SNTG2: variants seen among roughly 807,000 people sequenced by gnomAD.
SNTG2 encodes the protein gamma-2-syntrophin.
SNTG2 carries 74 observed loss-of-function variants against 70.9 expected under a neutral mutation model. The ratio of observed to expected loss-of-function variants is 1.04; its 90% CI spans 0.86 to 1.27. The LOEUF (loss-of-function observed/expected upper bound fraction) is 1.27, where lower values mean the gene tolerates loss of function less well. SNTG2 is among the 50% of genes most tolerant of loss of function. SNTG2 has a pLI of 0.00. For missense variants in SNTG2, 717 were observed against 690.7 expected, an observed-to-expected ratio of 1.04 and a Z score of -0.43; for synonymous variants, 278 against 273.8, an observed-to-expected ratio of 1.02 and a Z score of -0.15.
At chr2:1,248,321 T>G (rs990675006) in intron 12 of SNTG2, among the ~76,000 whole-genome samples, 2 of 152,216 alleles carry the variant, frequency 1.3e-5, no homozygotes, top group Non-Finnish European at 2.9e-5. Flanking sequence ...TCCCCTGATT[T>G]ACACAACTTA....
Position 1,161,920 on chromosome 2 carries a change from A to G in SNTG2, c.412-3628A>G, listed in dbSNP as rs577133789. Among the ~76,000 whole-genome samples, 837 of 152,058 alleles carry G rather than the reference A, an allele frequency of 5.5e-3. 9 individuals are homozygous for G. The highest frequency in any genetic ancestry group is 0.019 in the African/African-American group (788 of 41,492). On this transcript the variant is annotated intron_variant, in intron 6 of 16. Transcript: ENST00000308624. ...AAACCCCGTCTCTACTAAAAATACA[A>G]AAAATTAGCCAGGCGAGATGGCGGG...
intron 1 of SNTG2, among the ~76,000 whole-genome samples, chr2:1,023,173 G>A (rs184035667): frequency 2.6e-5 from 4 of 151,222 alleles, no homozygotes; most frequent in East Asian, 1.9e-4. Flanking sequence ...TTTCTGGCCC[G>A]TGTCTTGAGG....
intron 4 of SNTG2, among the ~76,000 whole-genome samples, chr2:1,114,019 T>A (rs955925576): frequency 6.6e-6 from 1 of 151,678 alleles, no homozygotes; most frequent in Non-Finnish European, 1.5e-5. Context: ...CTTACAGTCC[T>A]TTGAGGAGGA....
chr2:1,320,907 A>G (rs1681491292), intron 16 of SNTG2, among the ~76,000 whole-genome samples: 1 of 152,190 alleles, frequency 6.6e-6, no homozygotes, highest in Non-Finnish European at 1.5e-5. Flanking sequence ...TATTTTGCAT[A>G]TTTCTTTATA....
At chr2:1,309,210 T>C (rs1030472214) in intron 15 of SNTG2, among the ~76,000 whole-genome samples, 11 of 152,230 alleles carry the variant, frequency 7.2e-5, no homozygotes, top group African/African-American at 2.7e-4. Context: ...AAGACTTACT[T>C]GTCTTTTATT....
chr2:1,232,890 C>A (rs983542176), intron 9 of SNTG2, among the ~76,000 whole-genome samples: 30 of 152,082 alleles, frequency 2.0e-4, no homozygotes, highest in African/African-American at 6.3e-4. Flanking sequence ...TGCACACACA[C>A]ACACATGCAC....
intron 4 of SNTG2, among the ~76,000 whole-genome samples, chr2:1,127,699 G>T (rs545335297): frequency 6.6e-6 from 1 of 152,100 alleles, no homozygotes; most frequent in South Asian, 2.1e-4. Flanking sequence ...GGGTGTGTGT[G>T]TATGTGTGTA....
intron 1 of SNTG2, among the ~76,000 whole-genome samples, chr2:996,701 T>C (rs1661698275): frequency 9.0e-6 from 1 of 110,808 alleles, no homozygotes; most frequent in African/African-American, 3.4e-5. Flanking sequence ...TTTTTTTTTT[T>C]TTTACTACCA....
chr2:1,085,705 C>T (rs1026792119), intron 2 of SNTG2, among the ~76,000 whole-genome samples: 2 of 152,210 alleles, frequency 1.3e-5, no homozygotes, highest in African/African-American at 4.8e-5. Flanking sequence ...ACTTCCTATT[C>T]CTTTATAGTG....
intron 8 of SNTG2, among the ~76,000 whole-genome samples, chr2:1,174,817 G>GT (rs1420104629): frequency 2.6e-5 from 4 of 151,966 alleles, no homozygotes; most frequent in Non-Finnish European, 5.9e-5. Flanking sequence ...TTTTCCTTTG[G>GT]TTTTTCCTCT....
intron 9 of SNTG2, among the ~76,000 whole-genome samples, chr2:1,224,767 C>T (rs1342335813): frequency 6.6e-6 from 1 of 152,180 alleles, no homozygotes; most frequent in African/African-American, 2.4e-5. Flanking sequence ...GCAGGCCTTG[C>T]CTGGGTGTTC....
intron 12 of SNTG2, among the ~76,000 whole-genome samples, chr2:1,255,919 A>T (rs199490642): frequency 5.5e-5 from 5 of 90,230 alleles, no homozygotes; most frequent in African/African-American, 1.0e-4. Flanking sequence ...TATATATATA[A>T]ATATATAAAT....
chr2:1,355,397 A>C (rs1049329558), intron 16 of SNTG2, among the ~76,000 whole-genome samples: 1 of 152,110 alleles, frequency 6.6e-6, no homozygotes, highest in Non-Finnish European at 1.5e-5. Context: ...CCCCCTTCTG[A>C]GAGATTGACC....
intron 14 of SNTG2, among the ~76,000 whole-genome samples, chr2:1,291,682 T>C (rs1429865180): frequency 2.0e-5 from 3 of 152,256 alleles, no homozygotes; most frequent in Non-Finnish European, 4.4e-5. Context: ...TTCATCGCTC[T>C]CTGTTCTGTT....
intron 9 of SNTG2, among the ~76,000 whole-genome samples, chr2:1,224,010 G>C (rs569736863): frequency 6.6e-6 from 1 of 152,316 alleles, no homozygotes; most frequent in South Asian, 2.1e-4. Context: ...GGGTCAGGTG[G>C]TCAGTCTGGT....
chr2:1,077,359 T>C (rs1663986794), intron 1 of SNTG2, among the ~76,000 whole-genome samples: 1 of 152,242 alleles, frequency 6.6e-6, no homozygotes, highest in Non-Finnish European at 1.5e-5. Context: ...TTTAAACATT[T>C]ACCTGCCTGG....
intron 1 of SNTG2, among the ~76,000 whole-genome samples, chr2:1,008,069 G>T (rs1314555125): frequency 6.6e-6 from 1 of 152,096 alleles, no homozygotes; most frequent in East Asian, 1.9e-4. Context: ...TTATTTTGTG[G>T]GGGGCTTGTT....
chr2:1,097,865 C>T lies in SNTG2; in HGVS notation c.211-331C>T, dbSNP rs1015049117. On this transcript the variant is annotated intron_variant, in intron 2 of 16. Coordinates refer to ENST00000308624, the MANE Select transcript of SNTG2 (RefSeq NM_018968.4). This position sits in a 1 kb window ranked among gnomAD's most constrained non-coding sequence, Gnocchi z 4.1. ...GTGCTCCGCCCCACTTCCCTTTCAC[C>T]ACCTGGGAGAAGGTGGACCCCTCGT... is the stretch of plus-strand genomic sequence containing the variant. 1.3e-5 allele frequency among the ~76,000 whole-genome samples: 2 copies of T among 151,778 alleles called. No individual in the cohort carries two copies. The highest frequency in any genetic ancestry group is 4.8e-5 in the African/African-American group (2 of 41,340).
intron 6 of SNTG2, among the ~76,000 whole-genome samples, chr2:1,156,734 A>G (rs1310047021): frequency 1.3e-5 from 2 of 152,132 alleles, no homozygotes; most frequent in Non-Finnish European, 2.9e-5. Flanking sequence ...GGCTGGAGAC[A>G]GTAAGGTGAT....
Sources: gnomAD v4.1 joint callset for allele counts (sites outside exome capture counted in the v4.1 genomes callset) on GRCh38, gnomAD v4.1.1 for gene constraint, Gnocchi (gnomAD v3.1) non-coding constraint, MANE v1.5 for transcripts, NCBI Gene and HGNC (gene_info 2026-07-23, HGNC 2026-07-21) for gene names.